Variants in SERPINA11 observed in about 807,000 individuals in gnomAD.
The protein encoded by SERPINA11 is serpin A11.
A neutral mutation model predicts 29.4 loss-of-function variants in SERPINA11; 28 were observed. The ratio of observed to expected loss-of-function variants is 0.95; its 90% CI spans 0.70 to 1.30. The LOEUF (loss-of-function observed/expected upper bound fraction) is 1.30. SERPINA11 is among the 50% of genes most tolerant of loss of function. SERPINA11 has a pLI of 0.00. For missense variants in SERPINA11, 530 were observed against 507.3 expected (o/e 1.04, Z -0.43); for synonymous variants, 253 against 206.6 (o/e 1.22, Z -1.92).
intron 1 of SERPINA11, 79 bp from the exon 2 acceptor site, chr14:94,448,856 A>C: frequency 7.4e-7 from 1 of 1,347,518 alleles, no homozygotes. Context: ...CACAAATCCC[A>C]CCTTCACAAT....
At chr14:94,444,950 C>T (rs148531641) in intron 3 of SERPINA11, among the ~76,000 whole-genome samples, 8 of 152,336 alleles carry the variant, frequency 5.3e-5, no homozygotes, top group Admixed American at 2.0e-4. Flanking sequence ...TGCTGATTTC[C>T]GGGCCTAGGC....
Position 94,446,312 on chromosome 14 carries a change from C to T in SERPINA11, c.917+19G>A, listed in dbSNP as rs756908148. 1.2e-6 allele frequency: 2 copies of T among 1,606,470 alleles called. No individual in the cohort carries two copies. Among genetic ancestry groups the T allele is most frequent in the Non-Finnish European group, 1.7e-6 (2 of 1,177,094 alleles). ...TTCTTGAGCAAGGTCAGCCAGCATC[C>T]TTCTGCTGTGACACTTACCTGGGCA... On this transcript the variant is annotated intron_variant, in intron 3 of 4. Transcript: ENST00000334708.
intron 3 of SERPINA11, among the ~76,000 whole-genome samples, chr14:94,445,357 C>G (rs995592898): frequency 2.0e-5 from 3 of 151,978 alleles, no homozygotes; most frequent in African/African-American, 7.2e-5. Flanking sequence ...GAAGATGCAC[C>G]CCCAAGAAGG....
chr14:94,443,982 T>C (rs1898389366), intron 3 of SERPINA11, among the ~76,000 whole-genome samples: 1 of 152,248 alleles, frequency 6.6e-6, no homozygotes, highest in African/African-American at 2.4e-5. Flanking sequence ...GCATGACTAG[T>C]TCATAACCAA....
At chr14:94,450,272 G>T (rs1396563565) in intron 1 of SERPINA11, among the ~76,000 whole-genome samples, 4 of 152,184 alleles carry the variant, frequency 2.6e-5, no homozygotes, top group Non-Finnish European at 5.9e-5. Flanking sequence ...AGTATCTCCA[G>T]ATATGATCTT....
chr14:94,447,188 A>G (rs1266428854), intron 2 of SERPINA11, among the ~76,000 whole-genome samples: 1 of 152,250 alleles, frequency 6.6e-6, no homozygotes, highest in African/African-American at 2.4e-5. Flanking sequence ...AATGTCATGC[A>G]TTAGGCAAAA....
chr14:94,443,317 G>A, intron 3 of SERPINA11, 92 bp from the exon 4 acceptor site: 1 of 1,293,094 alleles, frequency 7.7e-7, no homozygotes, highest in Non-Finnish European at 1.1e-6. Context: ...ATGGGAGAGA[G>A]GCATTTCCCA....
chr14:94,443,148 A>C lies in SERPINA11; in HGVS notation c.995T>G (p.Leu332Arg), dbSNP rs771690421. The C allele has an allele frequency of 6.2e-7, 1 of 1,614,130 alleles. No individual in the cohort carries two copies. The highest frequency in any genetic ancestry group is 1.1e-5 in the South Asian group (1 of 91,066). ...NLEDILPQIG[L>R]TNILNLEADF... The stretch of plus-strand genomic sequence containing the variant: ...AGCTTCTAAGTTGAGTATGTTGGTG[A>C]GACCAATTTGGGGAAGTATGTCTTC... Residue 332 changes from leucine to arginine, a missense_variant, in exon 4 of 5, where the codon CTC (leucine) becomes CGC (arginine). Transcript: ENST00000334708.
At chr14:94,446,280 GC>G in intron 3 of SERPINA11, 50 bp downstream of exon 3, 1 of 1,544,470 alleles carries the variant, frequency 6.5e-7, no homozygotes, top group Non-Finnish European at 8.8e-7. Context: ...ATCAAGACCT[GC>G]TGGGGTTCTT....
chr14:94,446,032 A>G lies in SERPINA11; in HGVS notation c.917+299T>C, dbSNP rs190513597. 2.6e-5 allele frequency among the ~76,000 whole-genome samples: 4 copies of G among 152,288 alleles called. No individual in the cohort carries two copies. The East Asian group carries it at 5.8e-4, about 22-fold the overall frequency. Reference sequence around the variant, plus strand: ...ATCAGACAGACACCAGGAAAGTATAATAACAGTCAATGCCTGGTGAGCACT... The same window carrying G: ...ATCAGACAGACACCAGGAAAGTATAGTAACAGTCAATGCCTGGTGAGCACT... On this transcript the variant is annotated intron_variant, in intron 3 of 4. Coordinates refer to ENST00000334708, the MANE Select transcript of SERPINA11 (RefSeq NM_001080451.2).
At position 94,448,184 on chromosome 14, in the gene SERPINA11, C is replaced by T. The variant is rs143826161; in HGVS notation, c.591G>A (p.Pro197=). The T allele has an allele frequency of 6.7e-5, 108 of 1,614,064 alleles. 1 individual carries two copies. In the African/African-American group the frequency reaches 8.9e-4, roughly 13 times the overall value. Residue 197 remains proline, a synonymous_variant, in exon 2 of 5, where the codon CCG becomes CCA. Coordinates refer to ENST00000334708, the MANE Select transcript of SERPINA11 (RefSeq NM_001080451.2). ...QTYGQVVDCL[P]EFSQDTFMVL... The stretch of plus-strand genomic sequence containing the variant: ...CCATGAACGTGTCCTGGCTGAACTC[C>T]GGGAGGCAGTCCACGACTTGCCCGT...
rs575689466 is a variant in SERPINA11 at position 94,451,317 on chromosome 14, C to T, written c.-4+1412G>A. Among the ~76,000 whole-genome samples the T allele has an allele frequency of 4.6e-5, 7 of 152,304 alleles. No homozygotes were observed. The South Asian group carries it at 8.3e-4, about 18-fold the overall frequency. On this transcript the variant is annotated intron_variant, in intron 1 of 4. Transcript: ENST00000334708. ...TTTGCTGGTCAAAGTACTGTGGGCA[C>T]GCCCCCAAGGCTACGTCCTCCCTTT...
intron 3 of SERPINA11, among the ~76,000 whole-genome samples, chr14:94,444,287 T>C (rs1898396789): frequency 6.6e-6 from 1 of 152,174 alleles, no homozygotes; most frequent in Non-Finnish European, 1.5e-5. Flanking sequence ...GCAGTTCCCC[T>C]TGGCAAGCTA....
In SERPINA11 at chr14:94,445,974, G is replaced by A. The variant is rs533931815; in HGVS notation, c.917+357C>T. On this transcript the variant is annotated intron_variant, in intron 3 of 4. Coordinates refer to ENST00000334708, the MANE Select transcript of SERPINA11 (RefSeq NM_001080451.2). ...GAATTGTTATGGGAGGGTGTGGTGG[G>A]GAGAGAGGAAAGCAAGAGGAAAGGA... 2.0e-4 allele frequency among the ~76,000 whole-genome samples: 30 copies of A among 152,182 alleles called. No individual in the cohort carries two copies. The South Asian group carries it at 6.2e-3, about 32-fold the overall frequency.
rs754676495 is a variant in SERPINA11 at position 94,446,624 on chromosome 14, A to C, written c.644-20T>G. ...ACTTGGCTTAGGACACAAAACCCAT[A>C]AGGCCATGAGAACTCTTTTCAAGAG... On this transcript the variant is annotated intron_variant, in intron 2 of 4. Coordinates refer to ENST00000334708, the MANE Select transcript of SERPINA11 (RefSeq NM_001080451.2). The C allele has an allele frequency of 6.2e-7, 1 of 1,604,156 alleles. No individual in the cohort carries two copies. Among genetic ancestry groups the C allele is most frequent in the Admixed American group, 1.7e-5 (1 of 59,064 alleles).
chr14:94,451,426 C>A (rs1472277076), intron 1 of SERPINA11, among the ~76,000 whole-genome samples: 1 of 152,222 alleles, frequency 6.6e-6, no homozygotes, highest in African/African-American at 2.4e-5. Context: ...CCATACACTT[C>A]AGATTTTCTT....
intron 2 of SERPINA11, among the ~76,000 whole-genome samples, chr14:94,446,839 A>C (rs1225022675): frequency 6.6e-6 from 1 of 152,234 alleles, no homozygotes; most frequent in African/African-American, 2.4e-5. Flanking sequence ...CTTAGCTTCT[A>C]ACAAGCCAAA....
At chr14:94,450,197 G>A (rs1472697402) in intron 1 of SERPINA11, among the ~76,000 whole-genome samples, 2 of 152,134 alleles carry the variant, frequency 1.3e-5, no homozygotes, top group African/African-American at 4.8e-5. Flanking sequence ...AGGGCTGTGG[G>A]GATGATGTCT....
At chr14:94,449,813 C>T (rs1172240464) in intron 1 of SERPINA11, among the ~76,000 whole-genome samples, 2 of 152,092 alleles carry the variant, frequency 1.3e-5, no homozygotes, top group Non-Finnish European at 2.9e-5. Flanking sequence ...GAAGAACATG[C>T]TTGGAGCAAA....
Sources: allele counts gnomAD v4.1 joint callset (sites outside exome capture counted in the v4.1 genomes callset), GRCh38; gene constraint gnomAD v4.1.1; transcripts MANE v1.5; gene names NCBI Gene and HGNC (gene_info 2026-07-23, HGNC 2026-07-21).